Variants in LRP1B observed in about 807,000 individuals in gnomAD.
LRP1B encodes LDL receptor related protein 1B.
LRP1B carries 217 observed loss-of-function variants against 556.6 expected under a neutral mutation model. The observed-to-expected ratio is 0.39, with a 90% CI of 0.35 to 0.44. LRP1B has a LOEUF of 0.44. LRP1B is among the 20% of genes least tolerant of loss of function. The probability of loss-of-function intolerance (pLI) is 1.00; values close to 1 mark genes in which losing one functional copy is unlikely to be tolerated. For synonymous variants in LRP1B, 2,047 were observed against 1,865.8 expected (o/e 1.10, Z -2.50); for missense variants, 5,053 against 5,620.8 (o/e 0.90, Z 3.23).
chr2:140,647,262 C>T (rs1442594090), intron 41 of LRP1B, among the ~76,000 whole-genome samples: 1 of 152,280 alleles, frequency 6.6e-6, no homozygotes, highest in East Asian at 1.9e-4. Context: ...TAAACACCCA[C>T]ATATATACAC....
intron 80 of LRP1B, among the ~76,000 whole-genome samples, chr2:140,325,163 G>GGC (rs1254329472): frequency 6.6e-6 from 1 of 151,920 alleles, no homozygotes; most frequent in African/African-American, 2.4e-5. Context: ...GAGACAGCCA[G>GGC]GCAGAGAAAA....
At chr2:142,066,909 T>C (rs923444761) in intron 1 of LRP1B, among the ~76,000 whole-genome samples, 1 of 151,456 alleles carries the variant, frequency 6.6e-6, no homozygotes, top group Admixed American at 6.6e-5. Flanking sequence ...TTTGGTACCA[T>C]GGGTTTCACT....
rs908792014 is a variant in LRP1B at position 140,541,670 on chromosome 2, T to C, written c.7387+109A>G. On this transcript the variant is annotated intron_variant, in intron 44 of 90. Transcript: ENST00000389484. ...ACAGTCATAGTAACAAAAAATAATA[T>C]TTTTTAAAAGAAAAAGCAAATCCAA... is the stretch of plus-strand genomic sequence containing the variant. 9 of 893,270 alleles carry C rather than the reference T, an allele frequency of 1.0e-5. No individual in the cohort carries two copies. The African/African-American group carries it at 1.5e-4, about 15-fold the overall frequency. 55.3% of individuals were successfully genotyped at this position (893,270 alleles called of 1,614,324 possible). A position where few individuals can be genotyped will look rare whatever the true frequency, so the allele number is the denominator to read the frequency against.
intron 47 of LRP1B, among the ~76,000 whole-genome samples, chr2:140,532,929 G>GATATATATATACATATAT (rs1690765480): frequency 4.0e-5 from 2 of 50,382 alleles, no homozygotes; most frequent in East Asian, 9.7e-4. Flanking sequence ...CACAGCACAA[G>GATATATATATACATATAT]ATATATATAT....
At chr2:141,923,698 T>C (rs1303926292) in intron 1 of LRP1B, among the ~76,000 whole-genome samples, 2 of 151,158 alleles carry the variant, frequency 1.3e-5, no homozygotes, top group South Asian at 2.1e-4. Flanking sequence ...CTTGATGATA[T>C]CATAATTAAA....
At chr2:141,819,749 G>A (rs763784661) in intron 1 of LRP1B, among the ~76,000 whole-genome samples, 35 of 152,164 alleles carry the variant, frequency 2.3e-4, no homozygotes, top group Admixed American at 2.2e-3. Context: ...GATATTGGAC[G>A]TTCCCAACAC....
At chr2:140,548,091 T>C (rs1680414044) in intron 43 of LRP1B, among the ~76,000 whole-genome samples, 2 of 152,084 alleles carry the variant, frequency 1.3e-5, no homozygotes. Context: ...TTATACAAAG[T>C]ATTTAGTAAG....
chr2:141,875,302 A>T (rs1451186800), intron 1 of LRP1B, among the ~76,000 whole-genome samples: 1 of 151,856 alleles, frequency 6.6e-6, no homozygotes, highest in Non-Finnish European at 1.5e-5. Flanking sequence ...ACCTGTTATC[A>T]GGCCACACAC....
intron 1 of LRP1B, among the ~76,000 whole-genome samples, chr2:142,058,951 G>C (rs192273638): frequency 6.6e-6 from 1 of 152,002 alleles, no homozygotes; most frequent in Non-Finnish European, 1.5e-5. Flanking sequence ...TTGTAAAATA[G>C]GAGAAATAGT....
intron 3 of LRP1B, among the ~76,000 whole-genome samples, chr2:141,416,687 T>G (rs1691120967): frequency 6.6e-6 from 1 of 152,136 alleles, no homozygotes; most frequent in Admixed American, 6.5e-5. Flanking sequence ...ACTCCTGACC[T>G]CAAATGATCC....
chr2:140,452,252 G>A (rs1325161220), intron 62 of LRP1B, among the ~76,000 whole-genome samples: 1 of 152,058 alleles, frequency 6.6e-6, no homozygotes, highest in Non-Finnish European at 1.5e-5. Context: ...GTTAGTTTAT[G>A]TTTTAGTAAT....
rs561580571 is a variant in LRP1B, at chr2:140,764,524, C to T, written c.5758+4689G>A. Among the ~76,000 whole-genome samples, 5 of 152,136 alleles carry T rather than the reference C, an allele frequency of 3.3e-5. No homozygotes were observed. In the East Asian group the frequency reaches 9.7e-4, roughly 29 times the overall value. Reference sequence around the variant, plus strand: ...ATGTTTCAAAGATAAATATGAATGTCGTGGGACTAATAAAGAGGGATTCTT... The same window carrying T: ...ATGTTTCAAAGATAAATATGAATGTTGTGGGACTAATAAAGAGGGATTCTT... On this transcript the variant is annotated intron_variant, in intron 35 of 90. Coordinates refer to ENST00000389484, the MANE Select transcript of LRP1B (RefSeq NM_018557.3).
chr2:141,019,892 C>G (rs747821050), intron 12 of LRP1B, 30 bp downstream of exon 12: 1 of 1,442,716 alleles, frequency 6.9e-7, no homozygotes, highest in South Asian at 1.4e-5. Flanking sequence ...TATCATTTTT[C>G]TTATATAAAG....
chr2:140,906,938 C>A (rs1335244729), intron 22 of LRP1B, among the ~76,000 whole-genome samples: 7 of 145,006 alleles, frequency 4.8e-5, no homozygotes, highest in African/African-American at 1.8e-4. Context: ...TTTATAAAAT[C>A]ATGACTTAAA....
intron 32 of LRP1B, among the ~76,000 whole-genome samples, chr2:140,803,032 A>G (rs1348426730): frequency 6.6e-6 from 1 of 152,026 alleles, no homozygotes; most frequent in East Asian, 1.9e-4. Context: ...TCCAGGGCCA[A>G]TTTCAATCCT....
intron 35 of LRP1B, among the ~76,000 whole-genome samples, chr2:140,736,572 C>T (rs1457504282): frequency 1.3e-5 from 2 of 152,018 alleles, no homozygotes; most frequent in Admixed American, 6.6e-5. Context: ...GAAATAATAC[C>T]ACACATCTAC....
At position 141,474,766 on chromosome 2, in the gene LRP1B, GA is replaced by G. The variant is rs757099788; in HGVS notation, c.343+5629del. On this transcript the variant is annotated intron_variant, in intron 3 of 90. Transcript: ENST00000389484. ...ATCATACAGGAAAATGTTCAGAATA[GA>G]AAAACAAAATATAAGAAAAGATGAG... Among the ~76,000 whole-genome samples the G allele has an allele frequency of 1.4e-4, 22 of 152,098 alleles. No homozygotes were observed. The East Asian group carries it at 2.3e-3, about 16-fold the overall frequency.
chr2:140,378,111 C>G, intron 68 of LRP1B, 69 bp downstream of exon 68: 1 of 1,054,270 alleles, frequency 9.5e-7, no homozygotes, highest in African/African-American at 1.6e-5. Flanking sequence ...ACTTATTGGA[C>G]TGAATAATAA....
intron 3 of LRP1B, among the ~76,000 whole-genome samples, chr2:141,404,984 C>T (rs1690582560): frequency 6.6e-6 from 1 of 151,426 alleles, no homozygotes; most frequent in African/African-American, 2.4e-5. Context: ...CCCAGCTACT[C>T]GGGAGGCTGA....
Sources: gnomAD v4.1 joint callset for allele counts (sites outside exome capture counted in the v4.1 genomes callset) on GRCh38, gnomAD v4.1.1 for gene constraint, MANE v1.5 for transcripts, NCBI Gene and HGNC (gene_info 2026-07-23, HGNC 2026-07-21) for gene names.